ABR: variants seen among roughly 807,000 people sequenced by gnomAD.
ABR encodes the protein active breakpoint cluster region-related protein.
A neutral mutation model predicts 107.2 loss-of-function variants in ABR; 35 were observed. The ratio of observed to expected loss-of-function variants is 0.33; its 90% CI spans 0.25 to 0.43. ABR has a LOEUF of 0.43. ABR is among the 20% of genes least tolerant of loss of function. ABR has a pLI of 1.00. For missense variants in ABR, 815 were observed against 1,115.2 expected (o/e 0.73, Z 3.83); for synonymous variants, 498 against 462.0 (o/e 1.08, Z -1.00).
At chr17:1,046,388 G>A (rs982182292) in intron 16 of ABR, among the ~76,000 whole-genome samples, 22 of 151,442 alleles carry the variant, frequency 1.5e-4, no homozygotes, top group African/African-American at 4.1e-4. Flanking sequence ...CGCCCGCCTC[G>A]GCCTCCCAAA....
chr17:1,049,623 T>C (rs1054671836), intron 16 of ABR, among the ~76,000 whole-genome samples: 6 of 151,984 alleles, frequency 3.9e-5, no homozygotes, highest in Non-Finnish European at 5.9e-5. Flanking sequence ...CCTAAGTCTT[T>C]CGGGCAGAAG....
chr17:1,078,984 G>A lies in ABR; in HGVS notation c.700+346C>T, dbSNP rs566790726. 2.6e-5 allele frequency: 39 copies of A among 1,474,366 alleles called. No homozygotes were observed. In the South Asian group the frequency reaches 2.8e-4, roughly 10 times the overall value. 91.3% of individuals were successfully genotyped at this position (1,474,366 alleles called of 1,614,324 possible). Reference sequence around the variant, plus strand: ...GCACGGACTCCAGCATCGGGCAGCCGCTCCGGAGTGCTCTTCCAGCAAGGG... The same window carrying A: ...GCACGGACTCCAGCATCGGGCAGCCACTCCGGAGTGCTCTTCCAGCAAGGG... On this transcript the variant is annotated intron_variant, in intron 6 of 22. Coordinates refer to ENST00000302538, the MANE Select transcript of ABR (RefSeq NM_021962.5). This position sits in a 1 kb window ranked among gnomAD's most constrained non-coding sequence, Gnocchi z 7.5.
At chr17:1,085,647 C>G (rs1466281835) in intron 4 of ABR, among the ~76,000 whole-genome samples, 2 of 151,848 alleles carry the variant, frequency 1.3e-5, no homozygotes, top group Non-Finnish European at 2.9e-5. Context: ...TACCAAGCAC[C>G]TGAGATACGG....
At chr17:1,074,144 G>A (rs1356142433) in intron 6 of ABR, among the ~76,000 whole-genome samples, 44 of 119,962 alleles carry the variant, frequency 3.7e-4, no homozygotes, top group African/African-American at 1.4e-3. Flanking sequence ...CCACACGCAG[G>A]ACCCCAGAAT....
intron 16 of ABR, among the ~76,000 whole-genome samples, chr17:1,016,190 C>G (rs1215837309): frequency 6.6e-6 from 1 of 152,176 alleles, no homozygotes; most frequent in Non-Finnish European, 1.5e-5. Context: ...TTGAAATGAT[C>G]TCTCAGTTGA....
chr17:1,138,485 T>C (rs1170737182), intron 1 of ABR, among the ~76,000 whole-genome samples: 1 of 152,136 alleles, frequency 6.6e-6, no homozygotes, highest in Admixed American at 6.6e-5. Flanking sequence ...TTTTGTTTTT[T>C]GTTTTTTTTA....
chr17:1,005,003 C>T lies in ABR; in HGVS notation c.*1077G>A. 2.5e-6 allele frequency: 1 copy of T among 399,096 alleles called. No homozygotes were observed. Among genetic ancestry groups the T allele is most frequent in the East Asian group, 3.6e-5 (1 of 28,078 alleles). 24.7% of individuals were successfully genotyped at this position (399,096 alleles called of 1,614,324 possible). ...ACACCTGCTTCGGCCACATCAGTCA[C>T]CCTCCAGGAAGCCTGGCCCCTCTTG... On this transcript the variant is annotated 3_prime_UTR_variant, in exon 23 of 23. Coordinates refer to ENST00000302538, the MANE Select transcript of ABR (RefSeq NM_021962.5).
rs139862952 is a variant in ABR, at chr17:1,041,164, C to T, written c.1791+8886G>A. On this transcript the variant is annotated intron_variant, in intron 16 of 22. Coordinates refer to ENST00000302538, the MANE Select transcript of ABR (RefSeq NM_021962.5). ...CGAACTCCTGACCTCATGATCCGCC[C>T]GCCTCGGCCTCCTAAAGTGCTGGGA... Among the ~76,000 whole-genome samples the T allele has an allele frequency of 8.2e-3, 1,250 of 151,984 alleles. 8 individuals are homozygous for T. The highest frequency in any genetic ancestry group is 0.017 in the African/African-American group (706 of 41,472).
chr17:1,005,486 G>T lies in ABR; in HGVS notation c.*594C>A. 1 of 249,254 alleles carries T rather than the reference G, an allele frequency of 4.0e-6. No homozygotes were observed. Among genetic ancestry groups the T allele is most frequent in the African/African-American group, 2.2e-5 (1 of 45,184 alleles). The allele number at this position is 249,254 out of a possible 1,614,324, so 15.4% of individuals were successfully genotyped here. On this transcript the variant is annotated 3_prime_UTR_variant, in exon 23 of 23. Transcript: ENST00000302538. ...GAGGGGCCGGCAGCGGCAAACGGCA[G>T]CATCAAACAGACCACTGCTGCCGCG...
In ABR at chr17:1,120,479, A is replaced by G. The variant is rs543373251; in HGVS notation, c.246+4704T>C. ...TTTTTAGTAGAGACGGGGTTTCACCATGCTGGCCAGGATGGTCTTGAACTA... is the reference window on the plus strand; with the variant it reads ...TTTTTAGTAGAGACGGGGTTTCACCGTGCTGGCCAGGATGGTCTTGAACTA... On this transcript the variant is annotated intron_variant, in intron 2 of 22. Coordinates refer to ENST00000302538, the MANE Select transcript of ABR (RefSeq NM_021962.5). Among the ~76,000 whole-genome samples, 11 of 152,220 alleles carry G rather than the reference A, an allele frequency of 7.2e-5. No homozygotes were observed. In the South Asian group the frequency reaches 1.9e-3, roughly 26 times the overall value.
At position 1,013,243 on chromosome 17, in the gene ABR, C is replaced by T. The variant is rs1189822598; in HGVS notation, c.1792-79G>A. 13 of 1,350,112 alleles carry T rather than the reference C, an allele frequency of 9.6e-6. No individual in the cohort carries two copies. In the East Asian group the frequency reaches 2.5e-4, roughly 26 times the overall value. 83.6% of individuals were successfully genotyped at this position (1,350,112 alleles called of 1,614,324 possible). ...GATCTCCCCGTGGGTCAGCACTGCT[C>T]AGAGCCAGCTACACAGTCAGGAAGG... On this transcript the variant is annotated intron_variant, in intron 16 of 22. Coordinates refer to ENST00000302538, the MANE Select transcript of ABR (RefSeq NM_021962.5).
intron 16 of ABR, among the ~76,000 whole-genome samples, chr17:1,045,875 C>CT (rs926383540): frequency 2.0e-5 from 3 of 152,010 alleles, no homozygotes; most frequent in African/African-American, 7.2e-5. Context: ...GTTTTCTTTT[C>CT]TTTTTTTTCC....
rs2040768107 is a variant in ABR, at chr17:1,150,917, C to T, written c.62-25550G>A. Among the ~76,000 whole-genome samples the T allele has an allele frequency of 6.6e-6, 1 of 152,126 alleles. No homozygotes were observed. Among genetic ancestry groups the T allele is most frequent in the Non-Finnish European group, 1.5e-5 (1 of 68,032 alleles). On this transcript the variant is annotated intron_variant, in intron 1 of 22. Coordinates refer to ENST00000302538, the MANE Select transcript of ABR (RefSeq NM_021962.5). This position sits in a 1 kb window ranked among gnomAD's most constrained non-coding sequence, Gnocchi z 4.8. Reference sequence around the variant, plus strand: ...GTGTGCATATATATACACATGTGCACACACACACTCCTGGGGGTGAGGAGG... The same window carrying T: ...GTGTGCATATATATACACATGTGCATACACACACTCCTGGGGGTGAGGAGG...
Position 1,200,424 on chromosome 17 carries a change from T to A in ABR, c.838+28369A>T, listed in dbSNP as rs1163378936. Among the ~76,000 whole-genome samples the A allele has an allele frequency of 2.0e-5, 3 of 152,096 alleles. No homozygotes were observed. The highest frequency in any genetic ancestry group is 4.4e-5 in the Non-Finnish European group (3 of 68,026). On this transcript the variant is annotated intron_variant, in intron 1 of 22. Coordinates refer to the ABR transcript ENST00000574139. This position sits in a 1 kb window ranked among gnomAD's most constrained non-coding sequence, Gnocchi z 4.1. ...CTATGGGAGACGTGATTAGGTTACA[T>A]GTAACTATTACAGCACCTTATATAA...
chr17:1,073,828 T>C, intron 6 of ABR, 151 bp from the exon 7 acceptor site: 1 of 638,098 alleles, frequency 1.6e-6, no homozygotes, highest in African/African-American at 1.9e-5. Context: ...CCCCCACCTC[T>C]GTTCTCACTC....
intron 16 of ABR, among the ~76,000 whole-genome samples, chr17:1,048,119 C>G (rs984368848): frequency 4.6e-5 from 7 of 152,228 alleles, no homozygotes; most frequent in African/African-American, 1.7e-4. Context: ...GCTCCCTCCC[C>G]TTATCCCCAC....
intron 1 of ABR, among the ~76,000 whole-genome samples, chr17:1,161,142 C>T (rs534528643): frequency 4.7e-4 from 71 of 151,810 alleles, no homozygotes; most frequent in Middle Eastern, 6.8e-3. Context: ...CGGAAATCCC[C>T]GTCACCCACA....
chr17:1,188,411 A>G (rs1031856079), upstream of ABR, among the ~76,000 whole-genome samples: 5 of 151,956 alleles, frequency 3.3e-5, no homozygotes, highest in Admixed American at 6.6e-5. Flanking sequence ...TCATCTGGGC[A>G]TGGTGGCGGG....
At chr17:1,227,927 T>C (rs1203691411) in intron 1 of ABR, among the ~76,000 whole-genome samples, 1 of 152,158 alleles carries the variant, frequency 6.6e-6, no homozygotes, top group Non-Finnish European at 1.5e-5. Flanking sequence ...GCACCGTGCA[T>C]ACTACCAGAA....
Sources: allele counts gnomAD v4.1 joint callset (sites outside exome capture counted in the v4.1 genomes callset), GRCh38; gene constraint gnomAD v4.1.1; non-coding constraint Gnocchi (gnomAD v3.1); transcripts MANE v1.5; gene names NCBI Gene and HGNC (gene_info 2026-07-23, HGNC 2026-07-21).